The following ERBIN variants were observed in gnomAD, a reference collection of about 807,000 sequenced individuals.
ERBIN encodes the protein erbb2 interacting protein.
Under a neutral mutation model 158.4 loss-of-function variants are expected in ERBIN, and 60 were observed. The ratio of observed to expected loss-of-function variants is 0.38; its 90% CI spans 0.31 to 0.47. The LOEUF is 0.47. Ranked by LOEUF, ERBIN falls within the 20% of genes least tolerant of loss-of-function variation. ERBIN has a pLI of 0.99. For synonymous variants in ERBIN, 594 were observed against 557.2 expected, an observed-to-expected ratio of 1.07 and a Z score of -0.93; for missense variants, 1,610 against 1,648.0, an observed-to-expected ratio of 0.98 and a Z score of 0.40.
intron 1 of ERBIN, among the ~76,000 whole-genome samples, chr5:65,959,779 A>G (rs921570539): frequency 6.6e-6 from 1 of 152,130 alleles, no homozygotes; most frequent in African/African-American, 2.4e-5. Context: ...TAATCTTCCA[A>G]CCCATACAAA....
intron 1 of ERBIN, among the ~76,000 whole-genome samples, chr5:65,953,509 A>G (rs1746753136): frequency 2.0e-5 from 3 of 152,124 alleles, no homozygotes; most frequent in Non-Finnish European, 4.4e-5. Flanking sequence ...GGTCTAAGGG[A>G]TCCATGTTGC....
intron 1 of ERBIN, among the ~76,000 whole-genome samples, chr5:65,940,878 G>A (rs1330027333): frequency 6.6e-6 from 1 of 152,150 alleles, no homozygotes; most frequent in Non-Finnish European, 1.5e-5. Context: ...ATAGAAAGGG[G>A]GGAAAGGCGG....
At chr5:65,954,928 G>A (rs1746919062) in intron 1 of ERBIN, among the ~76,000 whole-genome samples, 1 of 152,060 alleles carries the variant, frequency 6.6e-6, no homozygotes, top group Admixed American at 6.6e-5. Flanking sequence ...AGCCGGGCAT[G>A]GTGGTGGGCG....
intron 1 of ERBIN, among the ~76,000 whole-genome samples, chr5:65,931,200 T>C (rs1580048632): frequency 6.6e-6 from 1 of 152,226 alleles, no homozygotes; most frequent in South Asian, 2.1e-4. Context: ...GTCTGGGGAC[T>C]TCACTTTTAG....
At chr5:65,947,303 C>T (rs1432714083) in intron 1 of ERBIN, among the ~76,000 whole-genome samples, 2 of 152,138 alleles carry the variant, frequency 1.3e-5, no homozygotes, top group East Asian at 3.9e-4. Flanking sequence ...CATCTTGGCT[C>T]ACTGCAACCT....
At chr5:65,931,056 A>G (rs1282157586) in intron 1 of ERBIN, among the ~76,000 whole-genome samples, 1 of 146,080 alleles carries the variant, frequency 6.8e-6, no homozygotes, top group Admixed American at 6.6e-5. Flanking sequence ...GAAAAGGAGA[A>G]TATCTAAAAA....
chr5:66,049,091 T>C (rs906562469), intron 19 of ERBIN, among the ~76,000 whole-genome samples: 4 of 152,140 alleles, frequency 2.6e-5, no homozygotes, highest in Non-Finnish European at 4.4e-5. Context: ...TGTGTACATA[T>C]CTGATTTGAC....
Position 66,054,699 on chromosome 5 carries a change from T to C in ERBIN, c.3381T>C (p.Leu1127=). The C allele has an allele frequency of 7.4e-6, 12 of 1,614,098 alleles. No individual in the cohort carries two copies. Among genetic ancestry groups the C allele is most frequent in the Non-Finnish European group, 1.0e-5 (12 of 1,179,990 alleles). Reference sequence around the variant, plus strand: ...TGATGCCAGGATCACAGAGACCCCTTTCTGCACGAACATACAGCATAGATG... The same window carrying C: ...TGATGCCAGGATCACAGAGACCCCTCTCTGCACGAACATACAGCATAGATG... ...PPMMPGSQRP[L]SARTYSIDGP... Residue 1127 remains leucine (L), a synonymous_variant, in exon 21 of 26, where the codon CTT becomes CTC. Coordinates refer to ENST00000284037, the MANE Select transcript of ERBIN (RefSeq NM_001253697.2).
At chr5:66,019,910 A>G (rs1755504595) in intron 7 of ERBIN, among the ~76,000 whole-genome samples, 2 of 152,208 alleles carry the variant, frequency 1.3e-5, no homozygotes, top group Admixed American at 6.5e-5. Flanking sequence ...CCTCCTCACA[A>G]TCTTCTTCAC....
chr5:66,062,357 G>T (rs192759633), intron 21 of ERBIN, among the ~76,000 whole-genome samples: 29 of 152,180 alleles, frequency 1.9e-4, no homozygotes, highest in African/African-American at 7.0e-4. Flanking sequence ...TTGTGCATTC[G>T]TCACATAGTT....
intron 21 of ERBIN, among the ~76,000 whole-genome samples, chr5:66,069,644 C>G (rs1195874689): frequency 1.3e-5 from 2 of 152,214 alleles, no homozygotes; most frequent in South Asian, 4.1e-4. Flanking sequence ...AAGAACAACT[C>G]TGGCATGGCC....
intron 1 of ERBIN, among the ~76,000 whole-genome samples, chr5:65,936,427 GATTTA>G (rs1744089673): frequency 6.6e-6 from 1 of 152,144 alleles, no homozygotes; most frequent in Admixed American, 6.5e-5. Flanking sequence ...GACTTCAGAA[GATTTA>G]GTTTATTGTC....
At position 66,021,311 on chromosome 5, in the gene ERBIN, A is replaced by G. The variant is rs1232399418; in HGVS notation, c.534-11A>G. ...TTTCTAGTTAATTTTTCATTACTCC[A>G]TTATGAACAGAACTATGAATAGACT... On this transcript the variant is annotated splice_polypyrimidine_tract_variant and intron_variant, in intron 7 of 25. Transcript: ENST00000284037. 13 of 1,555,210 alleles carry G rather than the reference A, an allele frequency of 8.4e-6. No individual in the cohort carries two copies. Among genetic ancestry groups the G allele is most frequent in the Non-Finnish European group, 1.1e-5 (13 of 1,137,410 alleles).
At chr5:66,029,811 G>C (rs1437878709) in intron 14 of ERBIN, among the ~76,000 whole-genome samples, 1 of 151,924 alleles carries the variant, frequency 6.6e-6, no homozygotes, top group African/African-American at 2.4e-5. Flanking sequence ...GGATGGTCTC[G>C]ATCTCTTGAC....
At chr5:66,076,655 C>T in intron 24 of ERBIN, 1 of 598,034 alleles carries the variant, frequency 1.7e-6, no homozygotes. Flanking sequence ...CTTTTTCACA[C>T]ACCTATAAAA....
chr5:66,076,928 G>C lies in ERBIN; in HGVS notation c.4110G>C (p.Gln1370His), dbSNP rs748818283. Residue 1370 changes from glutamine (Q) to histidine (H), a missense_variant, in exon 25 of 26, where the codon CAG becomes CAC. This residue lies in a region of ERBIN where 1,014 missense variants were observed against 936.1 expected (regional missense o/e 1.08). Transcript: ENST00000284037. ...QPEGPASKLL[Q>H]PGDKIIQANG... ...AAGGACCAGCATCAAAATTACTGCAGCCAGGTGATAAAATTATTCAGGTAA... is the reference window on the plus strand; with the variant it reads ...AAGGACCAGCATCAAAATTACTGCACCCAGGTGATAAAATTATTCAGGTAA... 1.9e-6 allele frequency: 3 copies of C among 1,606,660 alleles called. No homozygotes were observed. The highest frequency in any genetic ancestry group is 1.7e-6 in the Non-Finnish European group (2 of 1,175,082).
intron 21 of ERBIN, among the ~76,000 whole-genome samples, chr5:66,055,642 A>G (rs1463913393): frequency 2.6e-5 from 4 of 152,182 alleles, no homozygotes; most frequent in African/African-American, 9.6e-5. Flanking sequence ...TATGAATGCC[A>G]TAGTCATATG....
chr5:65,965,112 A>T (rs1748416279), intron 1 of ERBIN, among the ~76,000 whole-genome samples: 1 of 151,602 alleles, frequency 6.6e-6, no homozygotes, highest in Non-Finnish European at 1.5e-5. Flanking sequence ...TTAAAAACTT[A>T]AATTAGATAT....
intron 1 of ERBIN, among the ~76,000 whole-genome samples, chr5:65,952,549 T>C (rs890213924): frequency 2.0e-5 from 3 of 152,044 alleles, no homozygotes; most frequent in Non-Finnish European, 2.9e-5. Flanking sequence ...GTATTTGTTA[T>C]ACTTTTTTTT....
Sources: gnomAD v4.1 joint callset for allele counts (sites outside exome capture counted in the v4.1 genomes callset) on GRCh38, gnomAD v4.1.1 for gene constraint, gnomAD v4.1.1 regional missense constraint, MANE v1.5 for transcripts, NCBI Gene and HGNC (gene_info 2026-07-23, HGNC 2026-07-21) for gene names.